Variants in MAN1A2 observed in about 807,000 individuals in gnomAD.
The protein encoded by MAN1A2 is mannosyl-oligosaccharide 1,2-alpha-mannosidase IB.
MAN1A2 carries 26 observed loss-of-function variants against 75.7 expected under a neutral mutation model. The observed-to-expected ratio is 0.34, with a 90% CI of 0.25 to 0.48. The LOEUF (loss-of-function observed/expected upper bound fraction) is 0.48, where lower values mean the gene tolerates loss of function less well. Among genes scored for constraint, MAN1A2 ranks in the 20% least tolerant of loss-of-function variants. The pLI is 0.99. For synonymous variants in MAN1A2, 247 were observed against 264.6 expected (o/e 0.93, Z 0.65); for missense variants, 562 against 775.5 (o/e 0.72, Z 3.27).
At chr1:117,407,401 T>A (rs1264792341) in intron 3 of MAN1A2, among the ~76,000 whole-genome samples, 3 of 152,142 alleles carry the variant, frequency 2.0e-5, no homozygotes, top group Non-Finnish European at 2.9e-5. Flanking sequence ...TTTTCTTTTT[T>A]AAAAAAACAG....
intron 2 of MAN1A2, 72 bp from the exon 3 acceptor site, chr1:117,405,477 C>G (rs1474941853): frequency 2.2e-6 from 2 of 922,082 alleles, no homozygotes; most frequent in African/African-American, 1.6e-5. Context: ...TAATAGAACC[C>G]AAAATTGTAT....
intron 4 of MAN1A2, among the ~76,000 whole-genome samples, chr1:117,415,189 C>T (rs184260028): frequency 6.6e-6 from 1 of 151,882 alleles, no homozygotes; most frequent in Admixed American, 6.6e-5. Context: ...TCTTGGTGTG[C>T]GACTTGAGAA....
intron 5 of MAN1A2, among the ~76,000 whole-genome samples, chr1:117,438,344 A>G (rs1648917475): frequency 1.3e-5 from 2 of 149,916 alleles, no homozygotes; most frequent in African/African-American, 4.9e-5. Flanking sequence ...GCTGTAAAAT[A>G]TATTTGTGTT....
intron 1 of MAN1A2, among the ~76,000 whole-genome samples, chr1:117,390,773 C>CTT (rs1009479873): frequency 2.7e-4 from 40 of 150,746 alleles, no homozygotes; most frequent in Non-Finnish European, 3.0e-5. Flanking sequence ...TTTAACTTTT[C>CTT]TTTTTTTTTC....
chr1:117,489,588 A>G (rs1236701336), intron 8 of MAN1A2, among the ~76,000 whole-genome samples: 1 of 151,938 alleles, frequency 6.6e-6, no homozygotes, highest in Non-Finnish European at 1.5e-5. Context: ...TTCTTCTCCA[A>G]TTTCTAGTCT....
Position 117,496,906 on chromosome 1 carries a change from A to C in MAN1A2, c.1428A>C (p.Arg476Ser). Reference sequence around the variant, plus strand: ...TTGCACTAGGAGCAGATGGTTCCAGAGCAGATAAAGCTGGTCATTATTTAG... The same window carrying C: ...TTGCACTAGGAGCAGATGGTTCCAGCGCAGATAAAGCTGGTCATTATTTAG... ...GMFALGADGS[R>S]ADKAGHYLEL... is the part of the protein sequence containing the mutation. The change falls in exon 10 of 13, where the codon AGA becomes AGC. Residue 476 changes from arginine to serine, a missense_variant. Coordinates refer to ENST00000356554, the MANE Select transcript of MAN1A2 (RefSeq NM_006699.5). 1 of 1,612,688 alleles carries C rather than the reference A, an allele frequency of 6.2e-7. No homozygotes were observed. Among genetic ancestry groups the C allele is most frequent in the Non-Finnish European group, 8.5e-7 (1 of 1,179,214 alleles).
intron 8 of MAN1A2, among the ~76,000 whole-genome samples, chr1:117,471,702 G>C: frequency 6.6e-6 from 1 of 151,746 alleles, no homozygotes; most frequent in Middle Eastern, 3.4e-3. Flanking sequence ...TAATTGACAA[G>C]AAAATGTAAA....
chr1:117,491,509 C>T (rs1238878960), intron 8 of MAN1A2, among the ~76,000 whole-genome samples: 1 of 38,906 alleles, frequency 2.6e-5, no homozygotes. Flanking sequence ...GACAATGCAC[C>T]TGATCACCAT....
chr1:117,494,047 A>G (rs571965036), intron 9 of MAN1A2: 1 of 152,172 alleles, frequency 6.6e-6, no homozygotes, highest in South Asian at 2.1e-4. Flanking sequence ...TCATTTAATC[A>G]TTATCACCAT....
At chr1:117,385,987 A>G (rs949894806) in intron 1 of MAN1A2, among the ~76,000 whole-genome samples, 17 of 152,198 alleles carry the variant, frequency 1.1e-4, no homozygotes, top group Admixed American at 1.3e-4. Context: ...GTTTCTTTAC[A>G]GGTATATAGT....
intron 1 of MAN1A2, among the ~76,000 whole-genome samples, chr1:117,401,553 G>A (rs1647429690): frequency 6.6e-6 from 1 of 152,160 alleles, no homozygotes; most frequent in Non-Finnish European, 1.5e-5. Flanking sequence ...GTCCATTGCA[G>A]TAGTGGTTTC....
chr1:117,397,909 C>T (rs1194708155), intron 1 of MAN1A2, among the ~76,000 whole-genome samples: 9 of 152,018 alleles, frequency 5.9e-5, no homozygotes, highest in African/African-American at 2.2e-4. Flanking sequence ...GCCTTAGCCT[C>T]CCAAAGTGCT....
At chr1:117,420,848 T>A (rs1379674680) in intron 5 of MAN1A2, among the ~76,000 whole-genome samples, 199 bp downstream of exon 5, 1 of 152,044 alleles carries the variant, frequency 6.6e-6, no homozygotes, top group Non-Finnish European at 1.5e-5. Context: ...CATGAATTCA[T>A]CACAGATCCT....
At chr1:117,458,517 A>T (rs1428566490) in intron 6 of MAN1A2, among the ~76,000 whole-genome samples, 16 of 99,958 alleles carry the variant, frequency 1.6e-4, no homozygotes, top group Non-Finnish European at 2.0e-4. Context: ...ATATAGATAT[A>T]TATATATTTT....
chr1:117,377,064 C>T (rs958641498), intron 1 of MAN1A2, among the ~76,000 whole-genome samples: 25 of 152,060 alleles, frequency 1.6e-4, no homozygotes, highest in African/African-American at 5.8e-4. Flanking sequence ...TTATATTTAG[C>T]CATATATACA....
intron 8 of MAN1A2, among the ~76,000 whole-genome samples, chr1:117,492,641 TA>T (rs1302073220): frequency 6.6e-6 from 1 of 152,042 alleles, no homozygotes; most frequent in Non-Finnish European, 1.5e-5. Flanking sequence ...AAGGTGATAT[TA>T]TAAAGGAATT....
chr1:117,391,876 T>C (rs1031547921), intron 1 of MAN1A2, among the ~76,000 whole-genome samples: 1 of 152,168 alleles, frequency 6.6e-6, no homozygotes. Context: ...TTGTGAAAAA[T>C]CTATTATTGT....
At chr1:117,379,986 G>T (rs1201745304) in intron 1 of MAN1A2, among the ~76,000 whole-genome samples, 1 of 152,044 alleles carries the variant, frequency 6.6e-6, no homozygotes, top group South Asian at 2.1e-4. Flanking sequence ...CCTGTTTTCA[G>T]TTCTCTTGGT....
chr1:117,434,633 G>C (rs540425911), intron 5 of MAN1A2, among the ~76,000 whole-genome samples: 1 of 152,154 alleles, frequency 6.6e-6, no homozygotes, highest in African/African-American at 2.4e-5. Flanking sequence ...TGATATATCT[G>C]TTACCATAGG....
Sources: allele counts gnomAD v4.1 joint callset (sites outside exome capture counted in the v4.1 genomes callset), GRCh38; gene constraint gnomAD v4.1.1; transcripts MANE v1.5; gene names NCBI Gene and HGNC (gene_info 2026-07-23, HGNC 2026-07-21).